The following GNPDA2 variants were observed in gnomAD, a reference collection of about 807,000 sequenced individuals.
GNPDA2 encodes the protein glcN6P deaminase 2.
In GNPDA2, 24 loss-of-function variants were observed where a neutral mutation model predicts 27.0. The observed-to-expected ratio is 0.89, with a 90% CI of 0.64 to 1.25. The LOEUF (loss-of-function observed/expected upper bound fraction) is 1.25. Ranked by LOEUF, GNPDA2 falls within the 50% of genes most tolerant of loss-of-function variation. The pLI is 0.00. For synonymous variants in GNPDA2, 94 were observed against 108.4 expected (o/e 0.87, Z 0.83); for missense variants, 286 against 335.1 (o/e 0.85, Z 1.14).
In GNPDA2 at chr4:44,710,950, T is replaced by TA; in HGVS notation, c.594+2dup. ...AAGACAGCAAAGAATATTTAATGCT[T>TA]ACTTCTCTAGCATCCATCACTGTCC... On this transcript the variant is annotated splice_region_variant and intron_variant, in intron 5 of 6. Coordinates refer to ENST00000295448, the MANE Select transcript of GNPDA2 (RefSeq NM_138335.3). 1 of 1,572,504 alleles carries TA rather than the reference T, an allele frequency of 6.4e-7. No homozygotes were observed. Among genetic ancestry groups the TA allele is most frequent in the South Asian group, 1.2e-5 (1 of 83,984 alleles).
Position 44,702,028 on chromosome 4 carries a change from C to T in GNPDA2, c.*1053G>A. The T allele has an allele frequency of 1.0e-6, 1 of 985,570 alleles. No homozygotes were observed. Among genetic ancestry groups the T allele is most frequent in the Non-Finnish European group, 1.2e-6 (1 of 829,846 alleles). The allele number at this position is 985,570 out of a possible 1,614,324, so 61.1% of individuals were successfully genotyped here. ...TTGCTCCCCACAGAGGCAAAGACAT[C>T]TTTTAACCTAACTCTCCTAATGCAT... On this transcript the variant is annotated 3_prime_UTR_variant, in exon 7 of 7. Transcript: ENST00000295448.
intron 4 of GNPDA2, among the ~76,000 whole-genome samples, chr4:44,716,421 T>C (rs1250417753): frequency 3.9e-5 from 6 of 152,054 alleles, no homozygotes; most frequent in East Asian, 3.9e-4. Flanking sequence ...ACTATTCTTA[T>C]AGCAATTAGC....
At chr4:44,712,799 T>C (rs1185445982) in intron 4 of GNPDA2, among the ~76,000 whole-genome samples, 7 of 152,188 alleles carry the variant, frequency 4.6e-5, no homozygotes, top group Non-Finnish European at 1.0e-4. Flanking sequence ...TGGGTCAAGG[T>C]ATTTGCTTGT....
At chr4:44,708,792 A>G (rs950237895) in intron 5 of GNPDA2, among the ~76,000 whole-genome samples, 2 of 152,154 alleles carry the variant, frequency 1.3e-5, no homozygotes, top group African/African-American at 4.8e-5. Flanking sequence ...GTTCTAAAAT[A>G]TAACAAATTT....
chr4:44,705,397 C>CT (rs1716527667), intron 6 of GNPDA2: 2 of 984,664 alleles, frequency 2.0e-6, no homozygotes, highest in African/African-American at 3.5e-5. Context: ...TCCTAACAGG[C>CT]TGATACCCTG....
rs1577582013 is a variant in GNPDA2, at chr4:44,707,393, G to A, written c.769+359C>T. On this transcript the variant is annotated intron_variant, in intron 6 of 6. Transcript: ENST00000295448. ...AGGTTAGAGGGGAGTGAGGAAGAGG[G>A]ATTGAGGTGGGACTAGTAAACATGA... 1.4e-5 allele frequency: 4 copies of A among 280,558 alleles called. No individual in the cohort carries two copies. In the East Asian group the frequency reaches 1.8e-4, roughly 13 times the overall value. 17.4% of individuals were successfully genotyped at this position (280,558 alleles called of 1,614,324 possible).
chr4:44,723,766 C>T (rs1180497416), intron 1 of GNPDA2, among the ~76,000 whole-genome samples: 3 of 152,032 alleles, frequency 2.0e-5, no homozygotes, highest in African/African-American at 7.3e-5. Context: ...AATGAAGCAG[C>T]GAAAGCAGGG....
chr4:44,703,368 A>ATG (rs1716392318), intron 6 of GNPDA2: 2 of 1,304,566 alleles, frequency 1.5e-6, no homozygotes, highest in Admixed American at 7.8e-5. Flanking sequence ...CAGATCTAGA[A>ATG]TGTGTACAGG....
intron 6 of GNPDA2, chr4:44,704,735 G>T: frequency 1.0e-6 from 1 of 984,426 alleles, no homozygotes; most frequent in African/African-American, 1.7e-5. Context: ...GTTACCAGAA[G>T]AAAGGTTAAA....
chr4:44,716,492 A>C (rs1480664079), intron 4 of GNPDA2, among the ~76,000 whole-genome samples: 2 of 138,554 alleles, frequency 1.4e-5, no homozygotes, highest in Non-Finnish European at 3.1e-5. Flanking sequence ...CAAAGGAAAA[A>C]ACTTATTTTT....
chr4:44,723,136 T>C (rs1233009160), intron 1 of GNPDA2, among the ~76,000 whole-genome samples: 1 of 152,198 alleles, frequency 6.6e-6, no homozygotes, highest in East Asian at 1.9e-4. Flanking sequence ...ACTTAAAAGC[T>C]ACATAATTCC....
At chr4:44,706,600 TTATTTC>T (rs1716621941) in intron 6 of GNPDA2, 1 of 151,924 alleles carries the variant, frequency 6.6e-6, no homozygotes, top group African/African-American at 2.4e-5. Context: ...ATTATATACT[TTATTTC>T]TGAGTATGAG....
intron 1 of GNPDA2, among the ~76,000 whole-genome samples, 179 bp from the exon 2 acceptor site, chr4:44,722,421 A>T (rs1304608669): frequency 6.6e-6 from 1 of 152,208 alleles, no homozygotes; most frequent in Admixed American, 6.5e-5. Flanking sequence ...AAATAGTAAT[A>T]GCTGTTCTCT....
chr4:44,717,373 C>A, intron 3 of GNPDA2, 78 bp from the exon 4 acceptor site: 1 of 773,498 alleles, frequency 1.3e-6, no homozygotes. Context: ...GTCATAAGTG[C>A]TATTTAATAA....
chr4:44,713,014 T>C (rs1268085650), intron 4 of GNPDA2, among the ~76,000 whole-genome samples: 1 of 152,206 alleles, frequency 6.6e-6, no homozygotes, highest in Non-Finnish European at 1.5e-5. Context: ...AAGGGCTTTA[T>C]CTTCATTACT....
chr4:44,718,108 T>C (rs1717426750), intron 3 of GNPDA2, among the ~76,000 whole-genome samples: 1 of 151,854 alleles, frequency 6.6e-6, no homozygotes, highest in Non-Finnish European at 1.5e-5. Context: ...CTTCCACTAT[T>C]CTGTGCTACT....
At chr4:44,712,529 TTATAAA>T (rs3045269) in intron 4 of GNPDA2, among the ~76,000 whole-genome samples, 79,252 of 151,314 alleles carry the variant, frequency 0.52, 22,111 homozygotes, top group Non-Finnish European at 0.63. Context: ...ATGTATCTGC[TTATAAA>T]TATATATTAA....
chr4:44,711,168 A>T, intron 4 of GNPDA2, 31 bp from the exon 5 acceptor site: 2 of 1,365,564 alleles, frequency 1.5e-6, no homozygotes, highest in Admixed American at 2.7e-5. Context: ...ACATATACAC[A>T]TGAAGTAAAT....
At chr4:44,722,573 G>A (rs548022345) in intron 1 of GNPDA2, among the ~76,000 whole-genome samples, 1 of 152,148 alleles carries the variant, frequency 6.6e-6, no homozygotes, top group East Asian at 1.9e-4. Flanking sequence ...GTATTAAACA[G>A]GTACAGACTT....
Sources: allele counts gnomAD v4.1 joint callset (sites outside exome capture counted in the v4.1 genomes callset), GRCh38; gene constraint gnomAD v4.1.1; transcripts MANE v1.5; gene names NCBI Gene and HGNC (gene_info 2026-07-23, HGNC 2026-07-21).